The following BRD10 variants were observed in gnomAD, a reference collection of about 807,000 sequenced individuals.
The protein encoded by BRD10 is bromodomain containing 10.
the BRD10 span, among the ~76,000 whole-genome samples, chr9:5,900,074 T>C: frequency 6.6e-6 from 1 of 152,244 alleles, no homozygotes; most frequent in Non-Finnish European, 1.5e-5. Flanking sequence ...CTATACAAAC[T>C]CAATATGTTG....
the BRD10 span, among the ~76,000 whole-genome samples, chr9:5,916,583 T>TAAA: frequency 4.7e-5 from 7 of 147,812 alleles, no homozygotes; most frequent in South Asian, 2.2e-4. Context: ...AAAACATATA[T>TAAA]AACATATATA....
chr9:5,969,446 T>C, the BRD10 span: 2 of 1,482,542 alleles, frequency 1.3e-6, no homozygotes, highest in Non-Finnish European at 1.8e-6. Context: ...CCTAAAGAAA[T>C]TTAACAAATT....
At chr9:5,968,235 C>G in the BRD10 span, 2 of 1,612,582 alleles carry the variant, frequency 1.2e-6, no homozygotes, top group Non-Finnish European at 1.7e-6. Context: ...AGTGACTGCT[C>G]TAATAGAATA....
the BRD10 span, chr9:5,988,681 C>T: frequency 1.6e-6 from 1 of 638,290 alleles, no homozygotes; most frequent in South Asian, 2.0e-5. Flanking sequence ...TTTGTTCTAA[C>T]TTTTTATCCT....
At chr9:6,001,607 G>C in the BRD10 span, among the ~76,000 whole-genome samples, 5 of 152,174 alleles carry the variant, frequency 3.3e-5, no homozygotes, top group African/African-American at 7.2e-5. Flanking sequence ...GTTTGTCATT[G>C]TATCTACAGG....
the BRD10 span, among the ~76,000 whole-genome samples, chr9:5,945,900 T>A: frequency 6.6e-6 from 1 of 152,038 alleles, no homozygotes; most frequent in South Asian, 2.1e-4. Flanking sequence ...TACCATGTGA[T>A]AATTAAAAAA....
At chr9:5,919,583 C>CACACACACACAA in the BRD10 span, 36 of 1,025,306 alleles carry the variant, frequency 3.5e-5, no homozygotes, top group Non-Finnish European at 3.8e-5. Flanking sequence ...CACACACACA[C>CACACACACACAA]AATGTATAGT....
At chr9:5,937,504 C>T in the BRD10 span, among the ~76,000 whole-genome samples, 36 of 152,140 alleles carry the variant, frequency 2.4e-4, no homozygotes, top group African/African-American at 8.2e-4. Context: ...CACTGCACTC[C>T]AGCCTAGGCA....
At chr9:5,996,101 C>T in the BRD10 span, among the ~76,000 whole-genome samples, 1 of 152,184 alleles carries the variant, frequency 6.6e-6, no homozygotes, top group East Asian at 1.9e-4. Flanking sequence ...GCGGGGGGTT[C>T]AAGATACTGA....
At chr9:6,001,316 A>C in the BRD10 span, among the ~76,000 whole-genome samples, 26 of 115,178 alleles carry the variant, frequency 2.3e-4, 1 homozygote, top group South Asian at 4.9e-3. Context: ...TCTTCACGTT[A>C]CTCCCTTAGT....
the BRD10 span, among the ~76,000 whole-genome samples, chr9:5,992,228 T>G: frequency 6.6e-6 from 1 of 152,236 alleles, no homozygotes; most frequent in African/African-American, 2.4e-5. Flanking sequence ...AACTTTGTTT[T>G]GTTAATGACT....
chr9:5,930,369 T>TTTTATATATAATATATATATATATATATA, the BRD10 span, among the ~76,000 whole-genome samples: 5 of 135,544 alleles, frequency 3.7e-5, no homozygotes, highest in African/African-American at 1.4e-4. Context: ...TATAAGGAGA[T>TTTTATATATAATATATATATATATATATA]TATATATATA....
the BRD10 span, among the ~76,000 whole-genome samples, chr9:5,928,131 T>A: frequency 1.3e-5 from 2 of 152,076 alleles, no homozygotes; most frequent in South Asian, 4.1e-4. Context: ...CCAAAAATAG[T>A]GGGTATCATC....
the BRD10 span, among the ~76,000 whole-genome samples, chr9:5,891,668 C>A: frequency 6.6e-6 from 1 of 152,010 alleles, no homozygotes; most frequent in Non-Finnish European, 1.5e-5. Context: ...ACGGCCACTG[C>A]AGTTTATGGA....
At chr9:5,924,610 T>A in the BRD10 span, 1 of 1,188,360 alleles carries the variant, frequency 8.4e-7, no homozygotes, top group East Asian at 2.5e-5. Context: ...AACAAAAACT[T>A]CTCTTTGTGC....
the BRD10 span, chr9:5,908,957 A>C: frequency 2.8e-5 from 12 of 429,660 alleles, no homozygotes; most frequent in African/African-American, 2.3e-4. Context: ...TCTGTGCCAG[A>C]GGTAATGTTA....
the BRD10 span, chr9:6,007,667 G>A: frequency 1.2e-6 from 2 of 1,608,458 alleles, no homozygotes; most frequent in African/African-American, 1.3e-5. Flanking sequence ...CCGTGGGCCG[G>A]CCCTGAGGTC....
chr9:5,907,883 G>A, the BRD10 span, among the ~76,000 whole-genome samples: 1 of 152,200 alleles, frequency 6.6e-6, no homozygotes. Context: ...AACCCGGGAG[G>A]TGGAGGTTGC....
chr9:5,935,866 G>A, the BRD10 span, among the ~76,000 whole-genome samples: 7 of 152,124 alleles, frequency 4.6e-5, no homozygotes, highest in African/African-American at 1.7e-4. Flanking sequence ...TGTAACTGAG[G>A]TTTCTTCCTT....
Sources: allele counts gnomAD v4.1 joint callset (sites outside exome capture counted in the v4.1 genomes callset), GRCh38; gene constraint gnomAD v4.1.1; transcripts MANE v1.5; gene names NCBI Gene and HGNC (gene_info 2026-07-23, HGNC 2026-07-21).